Variants in NFATC1 observed in about 807,000 individuals in gnomAD.
NFATC1 encodes nuclear factor of activated T-cells, cytoplasmic 1.
NFATC1 carries 22 observed loss-of-function variants against 76.0 expected under a neutral mutation model. The observed-to-expected ratio is 0.29, with a 90% CI of 0.21 to 0.41. The LOEUF (loss-of-function observed/expected upper bound fraction) is 0.41, where lower values mean the gene tolerates loss of function less well. NFATC1 is among the 10% of genes least tolerant of loss of function. The pLI is 1.00. For synonymous variants in NFATC1, 704 were observed against 613.1 expected (o/e 1.15, Z -2.19); for missense variants, 1,357 against 1,337.7 (o/e 1.01, Z -0.23).
At chr18:79,433,438 C>G in intron 2 of NFATC1, 141 bp from the exon 3 acceptor site, 3 of 993,800 alleles carry the variant, frequency 3.0e-6, no homozygotes, top group Non-Finnish European at 4.6e-6. Context: ...TGCATTGACA[C>G]AGGCTTCTCC....
chr18:79,424,969 C>G (rs2086250846), intron 2 of NFATC1, among the ~76,000 whole-genome samples: 1 of 132,228 alleles, frequency 7.6e-6, no homozygotes, highest in African/African-American at 3.4e-5. Context: ...GTCTCTCCGT[C>G]TCTGTCTCTC....
chr18:79,477,704 C>T (rs747126638), intron 8 of NFATC1, among the ~76,000 whole-genome samples: 5 of 152,188 alleles, frequency 3.3e-5, no homozygotes, highest in Admixed American at 6.5e-5. Context: ...GGAGCACCAC[C>T]GGCTGGGCAC....
At chr18:79,420,758 C>A (rs113319243) in intron 2 of NFATC1, 1 of 151,848 alleles carries the variant, frequency 6.6e-6, no homozygotes, top group African/African-American at 2.4e-5. Context: ...GAGGAGGACG[C>A]GTTTCCAGGC....
intron 7 of NFATC1, 64 bp from the exon 8 acceptor site, chr18:79,467,386 C>T (rs554279491): frequency 1.0e-5 from 15 of 1,453,290 alleles, no homozygotes; most frequent in South Asian, 8.4e-5. Flanking sequence ...GTGTGGCCGC[C>T]GTGGCGCGGC....
chr18:79,448,601 A>G, intron 3 of NFATC1, 181 bp from the exon 4 acceptor site: 1 of 639,036 alleles, frequency 1.6e-6, no homozygotes, highest in Non-Finnish European at 2.7e-6. Context: ...GTCCATTGGG[A>G]TAACAAGGCA....
intron 2 of NFATC1, among the ~76,000 whole-genome samples, chr18:79,419,148 C>T (rs998896367): frequency 3.9e-5 from 6 of 152,080 alleles, no homozygotes; most frequent in African/African-American, 7.2e-5. Flanking sequence ...CTCAGCCTGC[C>T]GAGTAGCTGG....
chr18:79,500,496 GAAA>G (rs902274738), intron 9 of NFATC1, among the ~76,000 whole-genome samples: 2 of 151,530 alleles, frequency 1.3e-5, no homozygotes, highest in African/African-American at 4.8e-5. Flanking sequence ...AAAAAGGAGA[GAAA>G]AAACCCAAGG....
intron 2 of NFATC1, among the ~76,000 whole-genome samples, chr18:79,418,451 C>A (rs2085953304): frequency 6.6e-6 from 1 of 152,232 alleles, no homozygotes; most frequent in African/African-American, 2.4e-5. Context: ...CCTCTTGTCA[C>A]AAGGCCTGTA....
intron 4 of NFATC1, among the ~76,000 whole-genome samples, chr18:79,450,431 TA>T (rs1228669750): frequency 1.3e-5 from 2 of 148,376 alleles, no homozygotes; most frequent in African/African-American, 4.9e-5. Context: ...TATAAATATA[TA>T]ATATTTAACC....
rs1569057711 is a variant in NFATC1, at chr18:79,524,266, A to T, written c.2783-3262A>T. ...GCCCGTTGTCCACCTGTGAAAGGGG[A>T]AGCCGTGGCTTTCCTCTCAGGGCTA... On this transcript the variant is annotated intron_variant, in intron 9 of 9. Coordinates refer to ENST00000427363, the MANE Select transcript of NFATC1 (RefSeq NM_001278669.2). This position sits in a 1 kb window ranked among gnomAD's most constrained non-coding sequence, Gnocchi z 7.2. Among the ~76,000 whole-genome samples the T allele has an allele frequency of 6.6e-6, 1 of 152,332 alleles. No individual in the cohort carries two copies. The highest frequency in any genetic ancestry group is 1.9e-4 in the East Asian group (1 of 5,188).
At chr18:79,451,972 A>C in intron 6 of NFATC1, 156 bp downstream of exon 6, 1 of 866,156 alleles carries the variant, frequency 1.2e-6, no homozygotes, top group Non-Finnish European at 1.6e-6. Context: ...CCGTGTCTGC[A>C]TCCGGCTGTG....
At chr18:79,505,748 G>A (rs1359541056) in intron 9 of NFATC1, among the ~76,000 whole-genome samples, 8 of 144,186 alleles carry the variant, frequency 5.5e-5, no homozygotes, top group African/African-American at 2.2e-4. Flanking sequence ...CTGTGTGGGA[G>A]GAGGTGGTGG....
intron 2 of NFATC1, among the ~76,000 whole-genome samples, chr18:79,414,248 C>A (rs2085799263): frequency 6.6e-6 from 1 of 152,302 alleles, no homozygotes; most frequent in South Asian, 2.1e-4. Flanking sequence ...TCACCAGGAT[C>A]TCAGGCTGCA....
rs188658721 is a variant in NFATC1, at chr18:79,511,243, C to T, written c.2783-16285C>T. Among the ~76,000 whole-genome samples, 262 of 152,284 alleles carry T rather than the reference C, an allele frequency of 1.7e-3. 2 individuals carry two copies. Among genetic ancestry groups the T allele is most frequent in the Middle Eastern group, 6.8e-3 (2 of 294 alleles). On this transcript the variant is annotated intron_variant, in intron 9 of 9. Transcript: ENST00000427363. ...TGGATAATCAATACAGAAATTCAAT[C>T]TTGGGGTGTTTTTTTCACTCCGGGG...
At chr18:79,475,196 TCA>T (rs911863352) in intron 8 of NFATC1, among the ~76,000 whole-genome samples, 2 of 149,566 alleles carry the variant, frequency 1.3e-5, no homozygotes, top group African/African-American at 2.5e-5. Flanking sequence ...AAGCGTGTTC[TCA>T]CGCTCACCGT....
chr18:79,460,579 C>G (rs1195992783), intron 6 of NFATC1, among the ~76,000 whole-genome samples: 1 of 152,240 alleles, frequency 6.6e-6, no homozygotes, highest in African/African-American at 2.4e-5. Context: ...TTTTTAAAAA[C>G]ATGCAAATGG....
chr18:79,473,573 GCTCA>G (rs1481011953), intron 8 of NFATC1, among the ~76,000 whole-genome samples: 1 of 139,998 alleles, frequency 7.1e-6, no homozygotes, highest in East Asian at 2.2e-4. Context: ...GTGTTCTCGC[GCTCA>G]CTGTCGACGT....
At chr18:79,415,496 A>G (rs1303973190) in intron 2 of NFATC1, among the ~76,000 whole-genome samples, 4 of 151,530 alleles carry the variant, frequency 2.6e-5, no homozygotes, top group Non-Finnish European at 5.9e-5. Flanking sequence ...GTTAGCCAGG[A>G]TGGTCTCGAT....
At chr18:79,447,093 C>A (rs187105917) in intron 3 of NFATC1, among the ~76,000 whole-genome samples, 1 of 152,126 alleles carries the variant, frequency 6.6e-6, no homozygotes, top group South Asian at 2.1e-4. Flanking sequence ...TTCACTGTGG[C>A]CTCCTCCCTG....
Sources: gnomAD v4.1 joint callset for allele counts (sites outside exome capture counted in the v4.1 genomes callset) on GRCh38, gnomAD v4.1.1 for gene constraint, Gnocchi (gnomAD v3.1) non-coding constraint, MANE v1.5 for transcripts, NCBI Gene and HGNC (gene_info 2026-07-23, HGNC 2026-07-21) for gene names.